The following PCDH9 variants were observed in gnomAD, a reference collection of about 807,000 sequenced individuals.
PCDH9 encodes the protein protocadherin 9.
In PCDH9, 24 loss-of-function variants were observed where a neutral mutation model predicts 70.6. The observed-to-expected ratio is 0.34, with a 90% CI of 0.25 to 0.48. The LOEUF (loss-of-function observed/expected upper bound fraction) is 0.48. Ranked by LOEUF, PCDH9 falls within the 20% of genes least tolerant of loss-of-function variation. PCDH9 has a pLI of 0.99. For missense variants in PCDH9, 1,281 were observed against 1,503.6 expected (o/e 0.85, Z 2.45); for synonymous variants, 562 against 558.5 (o/e 1.01, Z -0.09).
chr13:67,014,747 T>C (rs903486053), intron 2 of PCDH9, among the ~76,000 whole-genome samples: 10 of 152,004 alleles, frequency 6.6e-5, no homozygotes, highest in Non-Finnish European at 1.5e-4. Context: ...CTACCCCTCC[T>C]ATGATCTTAT....
chr13:66,837,731 C>G (rs993416935), intron 3 of PCDH9, among the ~76,000 whole-genome samples: 1 of 152,148 alleles, frequency 6.6e-6, no homozygotes, highest in African/African-American at 2.4e-5. Context: ...GCCCAAATGA[C>G]TTTCTCGTTA....
chr13:66,574,526 C>T (rs192269411), intron 4 of PCDH9, among the ~76,000 whole-genome samples: 2 of 152,242 alleles, frequency 1.3e-5, no homozygotes, highest in East Asian at 1.9e-4. Context: ...TTGTGTCTTC[C>T]GTATCCCAAT....
chr13:66,392,539 G>A (rs971954233), intron 4 of PCDH9, among the ~76,000 whole-genome samples: 4 of 152,052 alleles, frequency 2.6e-5, no homozygotes, highest in African/African-American at 9.7e-5. Flanking sequence ...TGTTTGCAGT[G>A]CAATTCAGTT....
intron 3 of PCDH9, among the ~76,000 whole-genome samples, chr13:66,812,574 C>T (rs1297471523): frequency 6.6e-6 from 1 of 152,124 alleles, no homozygotes; most frequent in Non-Finnish European, 1.5e-5. Context: ...GCCTAGGGCA[C>T]TGTTGGAGCC....
At chr13:66,547,930 A>AT (rs1961286175) in intron 4 of PCDH9, among the ~76,000 whole-genome samples, 1 of 147,624 alleles carries the variant, frequency 6.8e-6, no homozygotes, top group Non-Finnish European at 1.5e-5. Context: ...CATATTATAT[A>AT]ATAATATATA....
rs2076926799 is a variant in PCDH9, at chr13:66,583,763, CAT to C, written c.3340+47445_3340+47446del. On this transcript the variant is annotated intron_variant, in intron 4 of 4. Coordinates refer to ENST00000377865, the MANE Select transcript of PCDH9 (RefSeq NM_203487.3). ...AATGCTACTTCCACTGTGAAACAAA[CAT>C]AATTTTTGTAAGAAGATTTTTTGTT... Among the ~76,000 whole-genome samples the C allele has an allele frequency of 7.9e-5, 12 of 152,264 alleles. No homozygotes were observed. The South Asian group carries it at 2.3e-3, about 29-fold the overall frequency.
At chr13:66,676,943 T>C (rs541275596) in intron 3 of PCDH9, among the ~76,000 whole-genome samples, 11 of 152,104 alleles carry the variant, frequency 7.2e-5, no homozygotes, top group Non-Finnish European at 1.2e-4. Context: ...ATTTTAAATA[T>C]CCATTTACAT....
At chr13:66,561,415 G>C (rs1219297247) in intron 4 of PCDH9, among the ~76,000 whole-genome samples, 1 of 152,220 alleles carries the variant, frequency 6.6e-6, no homozygotes, top group Non-Finnish European at 1.5e-5. Context: ...GCAGACACAA[G>C]GCACAGGACT....
chr13:66,421,865 A>T lies in PCDH9; in HGVS notation c.3341-116837T>A, dbSNP rs1957574116. Among the ~76,000 whole-genome samples, 4 of 152,324 alleles carry T rather than the reference A, an allele frequency of 2.6e-5. No homozygotes were observed. The South Asian group carries it at 8.3e-4, about 32-fold the overall frequency. ...CCCAATTAAAAGGCACAGACTGGCA[A>T]ATTGGATAAAGAGTCAAGACCCATC... is the stretch of plus-strand genomic sequence containing the variant. On this transcript the variant is annotated intron_variant, in intron 4 of 4. Coordinates refer to ENST00000377865, the MANE Select transcript of PCDH9 (RefSeq NM_203487.3).
intron 2 of PCDH9, among the ~76,000 whole-genome samples, chr13:67,058,595 G>C (rs909402816): frequency 6.6e-6 from 1 of 152,162 alleles, no homozygotes; most frequent in Non-Finnish European, 1.5e-5. Flanking sequence ...CTATAAATGA[G>C]AGCGAATAGA....
At chr13:66,527,007 GT>G (rs1226020716) in intron 4 of PCDH9, among the ~76,000 whole-genome samples, 2 of 152,262 alleles carry the variant, frequency 1.3e-5, no homozygotes, top group African/African-American at 4.8e-5. Flanking sequence ...TGGCTGTGGG[GT>G]TAGAACAGTA....
chr13:66,455,171 T>C (rs1028091060), intron 4 of PCDH9, among the ~76,000 whole-genome samples: 7 of 151,956 alleles, frequency 4.6e-5, no homozygotes, highest in African/African-American at 1.7e-4. Context: ...ATAAAACCTT[T>C]TTAATATTTA....
intron 4 of PCDH9, among the ~76,000 whole-genome samples, chr13:66,319,085 G>A (rs1955704522): frequency 6.6e-6 from 1 of 152,150 alleles, no homozygotes; most frequent in South Asian, 2.1e-4. Flanking sequence ...GAGGCCTCAG[G>A]AAATTCACAA....
chr13:66,853,973 G>A (rs2139461312), intron 3 of PCDH9, among the ~76,000 whole-genome samples: 1 of 152,044 alleles, frequency 6.6e-6, no homozygotes, highest in South Asian at 2.1e-4. Flanking sequence ...TATACAAAGA[G>A]GAAAATATTA....
chr13:66,463,634 G>A (rs942139750), intron 4 of PCDH9, among the ~76,000 whole-genome samples: 2 of 151,780 alleles, frequency 1.3e-5, no homozygotes, highest in African/African-American at 4.8e-5. Context: ...ATGCTTTGTA[G>A]TCTATTTTTT....
chr13:66,694,444 A>G (rs1177001676), intron 3 of PCDH9, among the ~76,000 whole-genome samples: 1 of 152,192 alleles, frequency 6.6e-6, no homozygotes, highest in African/African-American at 2.4e-5. Flanking sequence ...TACTGATTGC[A>G]TCAGGGACAC....
At chr13:67,050,696 G>A (rs959172069) in intron 2 of PCDH9, among the ~76,000 whole-genome samples, 8 of 152,154 alleles carry the variant, frequency 5.3e-5, no homozygotes, top group African/African-American at 1.2e-4. Flanking sequence ...TCTGTCTAGC[G>A]TAAGATACAA....
chr13:66,916,013 C>A (rs527963229), intron 2 of PCDH9, among the ~76,000 whole-genome samples: 1 of 151,384 alleles, frequency 6.6e-6, no homozygotes, highest in Non-Finnish European at 1.5e-5. Flanking sequence ...TTGAAAGGGG[C>A]ATTACAGATT....
At chr13:66,497,896 G>T (rs777870659) in intron 4 of PCDH9, among the ~76,000 whole-genome samples, 1 of 140,940 alleles carries the variant, frequency 7.1e-6, no homozygotes, top group African/African-American at 2.7e-5. Context: ...TTGGCTGACT[G>T]CAACTTCTGT....
Sources: gnomAD v4.1 joint callset for allele counts (sites outside exome capture counted in the v4.1 genomes callset) on GRCh38, gnomAD v4.1.1 for gene constraint, MANE v1.5 for transcripts, NCBI Gene and HGNC (gene_info 2026-07-23, HGNC 2026-07-21) for gene names.